Variants in LRRC4C observed in about 807,000 individuals in gnomAD.
LRRC4C encodes the protein leucine rich repeat containing 4C, also known as leucine-rich repeat-containing protein 4C.
LRRC4C carries 5 observed loss-of-function variants against 33.6 expected under a neutral mutation model. The ratio of observed to expected loss-of-function variants is 0.15; its 90% CI spans 0.08 to 0.31. The LOEUF is 0.31. Among genes scored for constraint, LRRC4C ranks in the 10% least tolerant of loss-of-function variants. The probability of loss-of-function intolerance (pLI) is 1.00; values close to 1 mark genes in which losing one functional copy is unlikely to be tolerated. For synonymous variants in LRRC4C, 329 were observed against 302.0 expected (o/e 1.09, Z -0.93); for missense variants, 560 against 796.7 (o/e 0.70, Z 3.58).
At chr11:40,989,877 T>A (rs1853381904) in intron 1 of LRRC4C, among the ~76,000 whole-genome samples, 1 of 151,406 alleles carries the variant, frequency 6.6e-6, no homozygotes, top group Non-Finnish European at 1.5e-5. Context: ...CAGAAAAAAA[T>A]AAAAAATAAA....
intron 1 of LRRC4C, among the ~76,000 whole-genome samples, chr11:41,301,717 A>G (rs1950294415): frequency 6.6e-6 from 1 of 151,792 alleles, no homozygotes; most frequent in African/African-American, 2.4e-5. Context: ...CTAAACAAAA[A>G]CTCCCCCCAA....
At chr11:40,550,951 T>A (rs1957106548) in intron 3 of LRRC4C, among the ~76,000 whole-genome samples, 1 of 152,130 alleles carries the variant, frequency 6.6e-6, no homozygotes, top group Non-Finnish European at 1.5e-5. Flanking sequence ...ATTATGTTTT[T>A]CTCAAGAAAG....
At chr11:40,941,605 T>C (rs950156017) in intron 1 of LRRC4C, among the ~76,000 whole-genome samples, 13 of 152,174 alleles carry the variant, frequency 8.5e-5, no homozygotes, top group Admixed American at 6.6e-4. Context: ...TTAGTAACAC[T>C]AAGCTAACTT....
At chr11:40,219,713 CA>C (rs900061989) in intron 5 of LRRC4C, among the ~76,000 whole-genome samples, 8 of 148,022 alleles carry the variant, frequency 5.4e-5, no homozygotes, top group Admixed American at 2.7e-4. Flanking sequence ...CAGTGATTAT[CA>C]GGGGCAGGGC....
intron 1 of LRRC4C, among the ~76,000 whole-genome samples, chr11:41,141,032 T>A (rs1265799952): frequency 6.6e-6 from 1 of 152,216 alleles, no homozygotes; most frequent in Admixed American, 6.5e-5. Flanking sequence ...ATATCTATGA[T>A]ATTTGCCTTT....
chr11:41,148,984 A>C (rs1943858644), intron 1 of LRRC4C, among the ~76,000 whole-genome samples: 1 of 152,192 alleles, frequency 6.6e-6, no homozygotes. Flanking sequence ...ATATCAAAGG[A>C]ATACATGGCC....
intron 2 of LRRC4C, among the ~76,000 whole-genome samples, chr11:40,875,415 C>T (rs951187165): frequency 2.0e-4 from 31 of 152,180 alleles, no homozygotes; most frequent in African/African-American, 7.2e-4. Flanking sequence ...GTCAAGATCC[C>T]GCATTTGATG....
rs371308193 is a variant in LRRC4C, at chr11:40,726,951, G to T, written c.-406-78673C>A. Among the ~76,000 whole-genome samples, 39 of 152,182 alleles carry T rather than the reference G, an allele frequency of 2.6e-4. 1 individual carries two copies. The South Asian group carries it at 8.1e-3, about 32-fold the overall frequency. On this transcript the variant is annotated intron_variant, in intron 2 of 6. Coordinates refer to ENST00000528697, the MANE Select transcript of LRRC4C (RefSeq NM_001258419.2). ...ATAAACAAATATCAGTAGCCTTTCT[G>T]TACATCAATAATTTTGAAACTGAGA...
chr11:40,826,154 AGCCAGATT>A (rs925922666), intron 2 of LRRC4C, among the ~76,000 whole-genome samples: 1 of 151,992 alleles, frequency 6.6e-6, no homozygotes, highest in Admixed American at 6.6e-5. Flanking sequence ...CTTTCTATTT[AGCCAGATT>A]GCTGTCTCTT....
At chr11:40,285,755 G>A (rs1456649423) in intron 4 of LRRC4C, among the ~76,000 whole-genome samples, 1 of 152,158 alleles carries the variant, frequency 6.6e-6, no homozygotes, top group South Asian at 2.1e-4. Context: ...CTCAAGCCCA[G>A]TGAAAACATT....
At chr11:40,195,651 G>A (rs1204720922) in intron 5 of LRRC4C, among the ~76,000 whole-genome samples, 10 of 151,726 alleles carry the variant, frequency 6.6e-5, no homozygotes, top group Non-Finnish European at 8.8e-5. Flanking sequence ...CATTTTATTT[G>A]GTTAAAATGT....
At chr11:40,462,086 A>C (rs1952425191) in intron 3 of LRRC4C, among the ~76,000 whole-genome samples, 1 of 152,082 alleles carries the variant, frequency 6.6e-6, no homozygotes, top group Non-Finnish European at 1.5e-5. Flanking sequence ...GTGTATTTTC[A>C]GTATAGTGTT....
chr11:40,846,616 C>G (rs551789647), intron 2 of LRRC4C, among the ~76,000 whole-genome samples: 1 of 151,930 alleles, frequency 6.6e-6, no homozygotes, highest in Non-Finnish European at 1.5e-5. Context: ...TGTTTTTTTG[C>G]TTAGGATTGT....
chr11:40,769,311 T>A (rs1279104429), intron 2 of LRRC4C, among the ~76,000 whole-genome samples: 1 of 151,942 alleles, frequency 6.6e-6, no homozygotes, highest in East Asian at 1.9e-4. Context: ...TATAAAACAT[T>A]TATGCAAGAA....
At chr11:41,388,244 G>C (rs1953439499) in intron 1 of LRRC4C, among the ~76,000 whole-genome samples, 1 of 151,772 alleles carries the variant, frequency 6.6e-6, no homozygotes, top group Admixed American at 6.6e-5. Context: ...AGTTTTGACT[G>C]TTTTTGGTGG....
At chr11:40,263,911 G>A (rs577275129) in intron 4 of LRRC4C, among the ~76,000 whole-genome samples, 1 of 152,272 alleles carries the variant, frequency 6.6e-6, no homozygotes, top group African/African-American at 2.4e-5. Context: ...CAACATAGAA[G>A]GAGCCTGGGT....
At chr11:40,460,338 A>T (rs1411816163) in intron 3 of LRRC4C, among the ~76,000 whole-genome samples, 1 of 152,072 alleles carries the variant, frequency 6.6e-6, no homozygotes, top group Non-Finnish European at 1.5e-5. Context: ...TTGTGCTTGA[A>T]ATTAAAATCC....
chr11:41,231,380 T>C (rs1947786403), intron 1 of LRRC4C, among the ~76,000 whole-genome samples: 1 of 151,986 alleles, frequency 6.6e-6, no homozygotes, highest in Admixed American at 6.6e-5. Flanking sequence ...TGTCCATCAA[T>C]GATAGACTGG....
intron 2 of LRRC4C, among the ~76,000 whole-genome samples, chr11:40,716,931 G>C (rs1218117814): frequency 2.6e-5 from 4 of 152,094 alleles, no homozygotes; most frequent in Non-Finnish European, 5.9e-5. Context: ...GTAGGGAATC[G>C]GAGCTGCCAC....
Sources: gnomAD v4.1 joint callset for allele counts (sites outside exome capture counted in the v4.1 genomes callset) on GRCh38, gnomAD v4.1.1 for gene constraint, MANE v1.5 for transcripts, NCBI Gene and HGNC (gene_info 2026-07-23, HGNC 2026-07-21) for gene names.